The following CEP104 variants were observed in gnomAD, a reference collection of about 807,000 sequenced individuals.
CEP104 encodes the protein centrosomal protein 104.
A neutral mutation model predicts 113.3 loss-of-function variants in CEP104; 84 were observed. The ratio of observed to expected loss-of-function variants is 0.74; its 90% confidence interval spans 0.62 to 0.89. CEP104 has a LOEUF of 0.89. CEP104 is among the 40% of genes least tolerant of loss of function. The pLI, the probability that CEP104 is intolerant of heterozygous loss-of-function variation, is 0.00. For missense variants in CEP104, 1,053 were observed against 1,156.6 expected (o/e 0.91, Z 1.30); for synonymous variants, 378 against 421.7 (o/e 0.90, Z 1.27).
intron 1 of CEP104, among the ~76,000 whole-genome samples, chr1:3,855,230 C>T (rs1300704457): frequency 1.4e-5 from 2 of 138,700 alleles, no homozygotes; most frequent in African/African-American, 5.5e-5. Flanking sequence ...CCAGGCTGTA[C>T]TGCTGCAGTG....
Position 3,823,197 on chromosome 1 carries a change from C to G in CEP104, c.2548G>C (p.Glu850Gln), listed in dbSNP as rs1351997273. ...ACCTCTTCTCCAGGGCTGAAGTTCT[C>G]ATGACACAGGGGACACCGGTTTGCC... ...KLANRCPLCH[E>Q]NFSPGEEAWK... The change falls in exon 20 of 22, where the codon GAG (glutamate) becomes CAG (glutamine). Residue 850 changes from glutamate to glutamine, a missense_variant. Glu to Gln is a conservative substitution (Grantham distance 29). Transcript: ENST00000378230. The surrounding 1 kb of genome is among the most constrained non-coding windows in gnomAD (Gnocchi z 4.1). 6.2e-7 allele frequency: 1 copy of G among 1,614,108 alleles called. No homozygotes were observed. Among genetic ancestry groups the G allele is most frequent in the Non-Finnish European group, 8.5e-7 (1 of 1,180,048 alleles).
chr1:3,840,754 G>A (rs191271349), intron 6 of CEP104, among the ~76,000 whole-genome samples: 9 of 152,222 alleles, frequency 5.9e-5, no homozygotes, highest in Admixed American at 5.2e-4. Context: ...TAGCCAGGTT[G>A]GTCTGGAACT....
At chr1:3,826,176 TTAAGTTACAATAAACAGAGGGAA>T in intron 17 of CEP104, among the ~76,000 whole-genome samples, 171 bp downstream of exon 17, 1 of 152,298 alleles carries the variant, frequency 6.6e-6, no homozygotes, top group African/African-American at 2.4e-5. Flanking sequence ...AAAGGATATT[TTAAGTTACAATAAACAGAGGGAA>T]AGTTGTCTTG....
rs144370302 is a variant in CEP104 at position 3,847,570 on chromosome 1, G to A, written c.331C>T (p.Arg111Trp). ...CDNEKTGCKA[R>W]ELKSVYVDAV... ...TCCACATAAACTGATTTTAGTTCCCGGGCTTTGCAACCTGTCTTTTCATTA... is the reference window on the plus strand; with the variant it reads ...TCCACATAAACTGATTTTAGTTCCCAGGCTTTGCAACCTGTCTTTTCATTA... The change falls in exon 4 of 22, where the codon CGG becomes TGG. Residue 111 changes from arginine to tryptophan, a missense_variant. By Grantham distance (101) the Arg-to-Trp change is moderately radical (BLOSUM62 -3). Transcript: ENST00000378230. 81 of 1,613,724 alleles carry A rather than the reference G, an allele frequency of 5.0e-5. No individual in the cohort carries two copies. The highest frequency in any genetic ancestry group is 6.2e-5 in the Non-Finnish European group (73 of 1,179,918).
intron 20 of CEP104, among the ~76,000 whole-genome samples, chr1:3,817,051 C>G (rs182361666): frequency 6.6e-6 from 1 of 152,368 alleles, no homozygotes; most frequent in African/African-American, 2.4e-5. Flanking sequence ...ACTCACGAGG[C>G]TGGGCGCGGT....
Position 3,831,182 on chromosome 1 carries a change from A to C in CEP104, c.1700T>G (p.Ile567Ser). 6.2e-7 allele frequency: 1 copy of C among 1,614,210 alleles called. No individual in the cohort carries two copies. The highest frequency in any genetic ancestry group is 8.5e-7 in the Non-Finnish European group (1 of 1,180,002). The change falls in exon 13 of 22, where the codon ATT becomes AGT. Residue 567 changes from isoleucine (I) to serine (S), a missense_variant. Transcript: ENST00000378230. ...CAATGGCTGCACCAGGTAGGATGGA[A>C]TAATTTGGAGAGACTTAACTTCTTT... Reference protein sequence around the residue: ...LFKEVKSLQIIPSYLVQPLKA... With the variant: ...LFKEVKSLQISPSYLVQPLKA...
At chr1:3,826,828 G>A (rs1364639983) in intron 15 of CEP104, 84 bp from the exon 16 acceptor site, 41 of 1,368,132 alleles carry the variant, frequency 3.0e-5, no homozygotes, top group African/African-American at 2.2e-4. Flanking sequence ...TTTTCATCAC[G>A]AAAGCACATT....
At position 3,834,009 on chromosome 1, in the gene CEP104, C is replaced by G; in HGVS notation, c.1512G>C (p.Leu504Phe). The part of the protein sequence containing the change: ...TSVFQASLKL[L>F]KMIITQYIPK... ...GAATATATTGTGTAATGATCATTTT[C>G]AACAATTTCAAAGAAGCCTGAAAAA... Residue 504 changes from leucine to phenylalanine, a missense_variant, in exon 12 of 22, where the codon TTG (leucine) becomes TTC (phenylalanine). Physicochemically the swap from Leu to Phe is conservative, Grantham distance 22. Coordinates refer to ENST00000378230, the MANE Select transcript of CEP104 (RefSeq NM_014704.4). The G allele has an allele frequency of 6.2e-7, 1 of 1,613,508 alleles. No individual in the cohort carries two copies. The highest frequency in any genetic ancestry group is 8.5e-7 in the Non-Finnish European group (1 of 1,179,512).
intron 2 of CEP104, among the ~76,000 whole-genome samples, chr1:3,849,901 C>T (rs1425893649): frequency 1.3e-5 from 2 of 151,972 alleles, no homozygotes; most frequent in Non-Finnish European, 2.9e-5. Context: ...AAGTTGTATA[C>T]AGTCATGCAC....
chr1:3,851,499 G>A (rs1359784354), intron 2 of CEP104, among the ~76,000 whole-genome samples: 1 of 152,178 alleles, frequency 6.6e-6, no homozygotes. Context: ...AGCTGACGAG[G>A]TGGGATGGGG....
intron 2 of CEP104, 75 bp from the exon 3 acceptor site, chr1:3,848,856 G>A (rs189007789): frequency 7.8e-7 from 1 of 1,282,802 alleles, no homozygotes; most frequent in Non-Finnish European, 1.1e-6. Context: ...TCTCATTCTT[G>A]CAGGTAAGAA....
chr1:3,836,011 A>G (rs1289529605), intron 10 of CEP104, among the ~76,000 whole-genome samples: 1 of 151,576 alleles, frequency 6.6e-6, no homozygotes, highest in Non-Finnish European at 1.5e-5. Flanking sequence ...TTCATAAAAA[A>G]AAAAAAAAGG....
chr1:3,822,364 A>T (rs1344414537), intron 20 of CEP104, among the ~76,000 whole-genome samples: 1 of 152,206 alleles, frequency 6.6e-6, no homozygotes, highest in African/African-American at 2.4e-5. Flanking sequence ...AGAAAGCTAC[A>T]GTGGCTGGGT....
rs973197724 is a variant in CEP104 at position 3,823,463 on chromosome 1, C to T, written c.2464G>A (p.Glu822Lys). 6 of 1,614,256 alleles carry T rather than the reference C, an allele frequency of 3.7e-6. No individual in the cohort carries two copies. Among genetic ancestry groups the T allele is most frequent in the Non-Finnish European group, 5.1e-6 (6 of 1,180,040 alleles). Residue 822 changes from glutamate to lysine, a missense_variant, in exon 19 of 22, where the codon GAA (glutamate) becomes AAA (lysine). Physicochemically the swap from Glu to Lys is moderately conservative, Grantham distance 56 (BLOSUM62 1). Coordinates refer to ENST00000378230, the MANE Select transcript of CEP104 (RefSeq NM_014704.4). The surrounding 1 kb of genome is among the most constrained non-coding windows in gnomAD (Gnocchi z 4.1). ...TGTTTTATGTGTCTGGGCAGCTCTT[C>T]CTTGAAAACAGCCTCACTGCAACGG... ...CYRCSEAVFKEELPRHIKHKD... is the reference protein window; with the variant it reads ...CYRCSEAVFKKELPRHIKHKD...
chr1:3,839,558 A>G, intron 7 of CEP104, 50 bp downstream of exon 7: 2 of 1,520,884 alleles, frequency 1.3e-6, no homozygotes, highest in Non-Finnish European at 1.8e-6. Flanking sequence ...AAGTATACAT[A>G]AAACCTATTA....
rs1281403522 is a variant in CEP104 at position 3,814,336 on chromosome 1, G to A, written c.*1066C>T. The A allele has an allele frequency of 1.3e-5, 2 of 152,220 alleles. No homozygotes were observed. Among genetic ancestry groups the A allele is most frequent in the African/African-American group, 4.8e-5 (2 of 41,444 alleles). 9.4% of individuals were successfully genotyped at this position (152,220 alleles called of 1,614,324 possible). ...GTGACACAGGCCCAACCAAAGCTAT[G>A]GACAAAACCCCCAGCTCACTCCCAC... On this transcript the variant is annotated 3_prime_UTR_variant, in exon 22 of 22. Coordinates refer to ENST00000378230, the MANE Select transcript of CEP104 (RefSeq NM_014704.4).
At chr1:3,834,794 TTC>T in intron 11 of CEP104, 129 bp downstream of exon 11, 2 of 742,828 alleles carry the variant, frequency 2.7e-6, no homozygotes, top group Non-Finnish European at 4.3e-6. Flanking sequence ...TTCTTAGTGA[TTC>T]TATTGAGTTA....
Position 3,839,609 on chromosome 1 carries a change from T to C in CEP104, c.734A>G (p.Lys245Arg). ...KLKQAIADLQ[K>R]VGERLGRYEV... is the part of the protein sequence containing the mutation. The stretch of plus-strand genomic sequence containing the variant: ...AACTGTTTTCTCCAAAGGCAATACC[T>C]TTTGCAAATCAGCAATGGCTTGTTT... Residue 245 changes from lysine to arginine, a missense_variant and splice_region_variant, in exon 7 of 22, where the codon AAG (lysine) becomes AGG (arginine). Transcript: ENST00000378230. 6.2e-7 allele frequency: 1 copy of C among 1,611,716 alleles called. No individual in the cohort carries two copies. Among genetic ancestry groups the C allele is most frequent in the Non-Finnish European group, 8.5e-7 (1 of 1,179,194 alleles).
intron 12 of CEP104, among the ~76,000 whole-genome samples, chr1:3,832,992 T>TC (rs1234464799): frequency 1.3e-5 from 2 of 150,768 alleles, no homozygotes; most frequent in Non-Finnish European, 3.0e-5. Flanking sequence ...GGATTCTTTT[T>TC]TTTTTTTTTT....
Sources: allele counts gnomAD v4.1 joint callset (sites outside exome capture counted in the v4.1 genomes callset), GRCh38; gene constraint gnomAD v4.1.1; non-coding constraint Gnocchi (gnomAD v3.1); transcripts MANE v1.5; gene names NCBI Gene and HGNC (gene_info 2026-07-23, HGNC 2026-07-21).